MAPKAP1: variants seen among roughly 807,000 people sequenced by gnomAD.
The protein encoded by MAPKAP1 is target of rapamycin complex 2 subunit MAPKAP1.
MAPKAP1 carries 20 observed loss-of-function variants against 65.7 expected under a neutral mutation model. The ratio of observed to expected loss-of-function variants is 0.30; its 90% confidence interval spans 0.21 to 0.44. The LOEUF (loss-of-function observed/expected upper bound fraction) is 0.44. Ranked by LOEUF, MAPKAP1 falls within the 20% of genes least tolerant of loss-of-function variation. The pLI, the probability that MAPKAP1 is intolerant of heterozygous loss-of-function variation, is 1.00. For synonymous variants in MAPKAP1, 222 were observed against 244.3 expected (o/e 0.91, Z 0.85); for missense variants, 423 against 648.0 (o/e 0.65, Z 3.77).
intron 7 of MAPKAP1, among the ~76,000 whole-genome samples, chr9:125,511,170 T>C (rs1019422461): frequency 7.4e-6 from 1 of 135,646 alleles, no homozygotes; most frequent in African/African-American, 3.3e-5. Context: ...ATCACCATCA[T>C]CATCATCATC....
intron 1 of MAPKAP1, among the ~76,000 whole-genome samples, chr9:125,693,664 CACAT>C (rs1410240662): frequency 8.0e-6 from 1 of 124,608 alleles, no homozygotes; most frequent in East Asian, 2.7e-4. Flanking sequence ...TACATACACA[CACAT>C]ATACACGTAT....
chr9:125,654,862 G>A (rs1312247176), intron 4 of MAPKAP1, among the ~76,000 whole-genome samples: 1 of 152,154 alleles, frequency 6.6e-6, no homozygotes, highest in African/African-American at 2.4e-5. Context: ...TTAATCTTAA[G>A]GAGGATTTCA....
chr9:125,520,321 C>A (rs1430372782), intron 7 of MAPKAP1, among the ~76,000 whole-genome samples: 1 of 152,164 alleles, frequency 6.6e-6, no homozygotes, highest in Non-Finnish European at 1.5e-5. Flanking sequence ...GCTTTCTAAG[C>A]AGCACTCGGA....
intron 11 of MAPKAP1, among the ~76,000 whole-genome samples, chr9:125,441,709 T>C (rs1852490817): frequency 6.6e-6 from 1 of 152,176 alleles, no homozygotes; most frequent in Non-Finnish European, 1.5e-5. Context: ...GGCAACAACA[T>C]TTCTCCCAAG....
At chr9:125,607,692 T>C (rs193253507) in intron 4 of MAPKAP1, among the ~76,000 whole-genome samples, 1 of 152,186 alleles carries the variant, frequency 6.6e-6, no homozygotes, top group Admixed American at 6.5e-5. Context: ...TGTCTTGCTC[T>C]GTCACCAGGC....
rs150418071 is a variant in MAPKAP1 at position 125,578,936 on chromosome 9, T to C, written c.671+6619A>G. Among the ~76,000 whole-genome samples the C allele has an allele frequency of 6.1e-3, 931 of 152,336 alleles. 12 individuals are homozygous for C. The highest frequency in any genetic ancestry group is 0.021 in the African/African-American group (866 of 41,562). ...AATTATTTCCAGAACCCATGGAATA[T>C]TGACCAAAAAATTATAGCATAGTAA... is the stretch of plus-strand genomic sequence containing the variant. On this transcript the variant is annotated intron_variant, in intron 5 of 11. Coordinates refer to ENST00000265960, the MANE Select transcript of MAPKAP1 (RefSeq NM_001006617.3).
chr9:125,598,089 C>A (rs1832193063), intron 4 of MAPKAP1, among the ~76,000 whole-genome samples: 1 of 150,538 alleles, frequency 6.6e-6, no homozygotes, highest in African/African-American at 2.4e-5. Context: ...AAAAACAAAA[C>A]CCAAACACCA....
chr9:125,536,425 A>G (rs1343680055), intron 7 of MAPKAP1, among the ~76,000 whole-genome samples: 3 of 152,192 alleles, frequency 2.0e-5, no homozygotes, highest in Admixed American at 6.5e-5. Context: ...CATTTTCCCA[A>G]TAGGTCACTG....
intron 3 of MAPKAP1, among the ~76,000 whole-genome samples, chr9:125,667,487 T>TTA (rs10676811): frequency 6.6e-6 from 1 of 152,018 alleles, no homozygotes; most frequent in Non-Finnish European, 1.5e-5. Flanking sequence ...GCCCAGCTAA[T>TTA]TTATATTTTT....
At chr9:125,560,305 G>A (rs913862260) in intron 5 of MAPKAP1, among the ~76,000 whole-genome samples, 1 of 152,204 alleles carries the variant, frequency 6.6e-6, no homozygotes, top group Non-Finnish European at 1.5e-5. Flanking sequence ...AAAATATCTG[G>A]ACAGGCATGG....
chr9:125,677,911 T>C (rs1481804815), intron 1 of MAPKAP1, among the ~76,000 whole-genome samples: 1 of 152,060 alleles, frequency 6.6e-6, no homozygotes, highest in Non-Finnish European at 1.5e-5. Context: ...TGTCCCAAAA[T>C]AACACAATTT....
At chr9:125,580,399 A>C (rs925742583) in intron 5 of MAPKAP1, among the ~76,000 whole-genome samples, 1 of 152,160 alleles carries the variant, frequency 6.6e-6, no homozygotes, top group South Asian at 2.1e-4. Flanking sequence ...ACATGGATAA[A>C]GCTGGAAACC....
intron 3 of MAPKAP1, among the ~76,000 whole-genome samples, chr9:125,660,486 AG>A (rs1403856092): frequency 6.6e-6 from 1 of 152,234 alleles, no homozygotes; most frequent in East Asian, 1.9e-4. Flanking sequence ...TCTACATGCT[AG>A]TACCTCTCAA....
In MAPKAP1 at chr9:125,447,552, C is replaced by T. The variant is rs1852764234; in HGVS notation, c.1346-2954G>A. 1 of 448,526 alleles carries T rather than the reference C, an allele frequency of 2.2e-6. No individual in the cohort carries two copies. The highest frequency in any genetic ancestry group is 2.0e-5 in the African/African-American group (1 of 50,012). 27.8% of individuals were successfully genotyped at this position (448,526 alleles called of 1,614,324 possible). On this transcript the variant is annotated intron_variant, in intron 10 of 11. Transcript: ENST00000265960. This position sits in a 1 kb window ranked among gnomAD's most constrained non-coding sequence, Gnocchi z 4.5. ...GGCCATAGGACATGGGGCGGACTCA[C>T]TCCGCGGGCGTTTCTGCCCCGAGTT...
rs745545836 is a variant in MAPKAP1 at position 125,652,166 on chromosome 9, G to C, written c.498+5485C>G. ...CGGTGGCTTCATGCTTTTCTGCAAA[G>C]TTTTAAGTGACTTTCTTTGAAGAGA... On this transcript the variant is annotated intron_variant, in intron 4 of 11. Transcript: ENST00000265960. 12 of 1,319,538 alleles carry C rather than the reference G, an allele frequency of 9.1e-6. No individual in the cohort carries two copies. In the African/African-American group the frequency reaches 1.6e-4, roughly 18 times the overall value. 81.7% of individuals were successfully genotyped at this position (1,319,538 alleles called of 1,614,324 possible).
intron 4 of MAPKAP1, among the ~76,000 whole-genome samples, chr9:125,636,900 C>T (rs1341008610): frequency 1.3e-5 from 2 of 152,308 alleles, no homozygotes; most frequent in East Asian, 3.9e-4. Context: ...CCAAAAATCT[C>T]GTGTCTAGCT....
chr9:125,665,872 T>C (rs1834325776), intron 3 of MAPKAP1, among the ~76,000 whole-genome samples: 1 of 152,202 alleles, frequency 6.6e-6, no homozygotes, highest in Non-Finnish European at 1.5e-5. Context: ...ATAAGCTACA[T>C]TGTTGTTTTG....
At chr9:125,638,639 T>A (rs929690185) in intron 4 of MAPKAP1, among the ~76,000 whole-genome samples, 2 of 152,224 alleles carry the variant, frequency 1.3e-5, no homozygotes, top group African/African-American at 4.8e-5. Context: ...CTGCCCAAGA[T>A]TAAACTGCAA....
chr9:125,643,553 A>G (rs1051930212), intron 4 of MAPKAP1, among the ~76,000 whole-genome samples: 2 of 152,146 alleles, frequency 1.3e-5, no homozygotes, highest in Non-Finnish European at 2.9e-5. Flanking sequence ...TTCTATATCA[A>G]GAAGTGACAT....
Sources: allele counts gnomAD v4.1 joint callset (sites outside exome capture counted in the v4.1 genomes callset), GRCh38; gene constraint gnomAD v4.1.1; non-coding constraint Gnocchi (gnomAD v3.1); transcripts MANE v1.5; gene names NCBI Gene and HGNC (gene_info 2026-07-23, HGNC 2026-07-21).